C8orf34: variants seen among roughly 807,000 people sequenced by gnomAD.
The protein encoded by C8orf34 is uncharacterized protein C8orf34.
C8orf34 carries 65 observed loss-of-function variants against 68.3 expected under a neutral mutation model. The ratio of observed to expected loss-of-function variants is 0.95; its 90% confidence interval spans 0.78 to 1.17. The LOEUF is 1.17. C8orf34 is among the 50% of genes most tolerant of loss of function. C8orf34 has a pLI of 0.00. For synonymous variants in C8orf34, 244 were observed against 241.2 expected (o/e 1.01, Z -0.11); for missense variants, 664 against 655.4 (o/e 1.01, Z -0.14).
At chr8:68,535,358 T>C (rs761137634) in intron 7 of C8orf34, 3 of 983,972 alleles carry the variant, frequency 3.0e-6, no homozygotes, top group East Asian at 2.3e-4. Context: ...CTTGTCTTTG[T>C]TATCTATACC....
intron 3 of C8orf34, among the ~76,000 whole-genome samples, chr8:68,455,229 A>G (rs1158731806): frequency 6.6e-6 from 1 of 152,070 alleles, no homozygotes; most frequent in African/African-American, 2.4e-5. Flanking sequence ...GTTAAGTGGA[A>G]TGTTCTGTGT....
At chr8:68,655,990 G>A (rs975508724) in intron 8 of C8orf34, among the ~76,000 whole-genome samples, 1 of 151,994 alleles carries the variant, frequency 6.6e-6, no homozygotes, top group Admixed American at 6.6e-5. Context: ...TTGTTCTTTT[G>A]GACCTTAAAA....
intron 10 of C8orf34, among the ~76,000 whole-genome samples, chr8:68,733,011 C>G: frequency 6.6e-6 from 1 of 152,134 alleles, no homozygotes; most frequent in Non-Finnish European, 1.5e-5. Context: ...TTGCAGTGAG[C>G]TGAGATCACC....
At chr8:68,789,000 C>T (rs536327065) in intron 12 of C8orf34, among the ~76,000 whole-genome samples, 3 of 152,134 alleles carry the variant, frequency 2.0e-5, no homozygotes, top group Non-Finnish European at 4.4e-5. Flanking sequence ...CTGTGGGATA[C>T]AGAGAAAATA....
At chr8:68,801,664 A>T (rs1824330776) in intron 12 of C8orf34, among the ~76,000 whole-genome samples, 2 of 152,224 alleles carry the variant, frequency 1.3e-5, no homozygotes, top group Admixed American at 6.5e-5. Flanking sequence ...TAGTGTTGAT[A>T]GGATTAAGTC....
chr8:68,665,812 T>C (rs1288989826), intron 8 of C8orf34, among the ~76,000 whole-genome samples: 1 of 145,082 alleles, frequency 6.9e-6, no homozygotes, highest in African/African-American at 2.5e-5. Flanking sequence ...TTTCTCAAAG[T>C]ATCGTCACTT....
At chr8:68,423,141 T>G (rs1478441536) in intron 1 of C8orf34, among the ~76,000 whole-genome samples, 2 of 152,212 alleles carry the variant, frequency 1.3e-5, no homozygotes, top group African/African-American at 4.8e-5. Flanking sequence ...TTCTCACTAC[T>G]TATGCAAATT....
At chr8:68,749,006 G>A (rs1563646770) in intron 10 of C8orf34, among the ~76,000 whole-genome samples, 1 of 152,004 alleles carries the variant, frequency 6.6e-6, no homozygotes, top group Non-Finnish European at 1.5e-5. Flanking sequence ...AACAATGATA[G>A]ACTGGATTAA....
At chr8:68,438,996 G>A (rs1204016917) in intron 1 of C8orf34, 1 of 152,006 alleles carries the variant, frequency 6.6e-6, no homozygotes, top group African/African-American at 2.4e-5. Context: ...GACAGTTTTT[G>A]GTTTCTGTAA....
chr8:68,566,599 T>C (rs1350003323), intron 7 of C8orf34, among the ~76,000 whole-genome samples: 1 of 152,220 alleles, frequency 6.6e-6, no homozygotes, highest in African/African-American at 2.4e-5. Context: ...CTTTAGCTGC[T>C]TCCTCATAGA....
chr8:68,330,786 C>A (rs564652660), upstream of C8orf34: 9 of 441,462 alleles, frequency 2.0e-5, no homozygotes, highest in African/African-American at 6.4e-5. Context: ...CACAGTCGCG[C>A]GCGCACGGAC....
chr8:68,674,805 A>G (rs1252378293), intron 8 of C8orf34, among the ~76,000 whole-genome samples: 4 of 152,104 alleles, frequency 2.6e-5, no homozygotes, highest in Admixed American at 6.5e-5. Flanking sequence ...TAGAATCCCA[A>G]GTAGGTTTAA....
chr8:68,779,910 A>G (rs531154822), intron 11 of C8orf34, among the ~76,000 whole-genome samples: 16 of 152,314 alleles, frequency 1.1e-4, no homozygotes, highest in Middle Eastern at 3.4e-3. Flanking sequence ...ATGCTAAATC[A>G]TAATTTTTAA....
chr8:68,550,633 T>C (rs531664496), intron 7 of C8orf34, among the ~76,000 whole-genome samples: 1 of 151,998 alleles, frequency 6.6e-6, no homozygotes, highest in South Asian at 2.1e-4. Context: ...GAACTTCTTT[T>C]AACATTTGCT....
At position 68,331,027 on chromosome 8, in the gene C8orf34, C is replaced by A; in HGVS notation, c.15C>A (p.Leu5=). ...GAACGCGATGAATGAGTTCTCCCCT[C>A]GCCTCGGAGTTGTCTGAGTTGGCGG... MSSP[L]ASELSELAAL... The change falls in exon 1 of 14, where the codon CTC becomes CTA. Residue 5 remains leucine (L), a synonymous_variant. Transcript: ENST00000518698. 2 of 1,451,534 alleles carry A rather than the reference C, an allele frequency of 1.4e-6. No homozygotes were observed. The highest frequency in any genetic ancestry group is 2.9e-5 in the East Asian group (1 of 34,888). 89.9% of individuals were successfully genotyped at this position (1,451,534 alleles called of 1,614,324 possible). A position where few individuals can be genotyped will look rare whatever the true frequency, so the allele number is the denominator to read the frequency against.
intron 7 of C8orf34, among the ~76,000 whole-genome samples, chr8:68,631,341 A>G (rs577875069): frequency 6.6e-6 from 1 of 152,166 alleles, no homozygotes; most frequent in Non-Finnish European, 1.5e-5. Flanking sequence ...TCTGGGCTCA[A>G]GTGATCCTCC....
intron 7 of C8orf34, among the ~76,000 whole-genome samples, chr8:68,589,558 A>G (rs1194854746): frequency 6.8e-6 from 1 of 146,302 alleles, no homozygotes; most frequent in Non-Finnish European, 1.5e-5. Context: ...GAATGAAGGA[A>G]GGGAGAGAGA....
intron 1 of C8orf34, among the ~76,000 whole-genome samples, chr8:68,377,878 G>A (rs938665040): frequency 2.0e-4 from 30 of 152,122 alleles, no homozygotes; most frequent in Non-Finnish European, 4.4e-4. Context: ...CAAAGGATAA[G>A]CAGGCACCTT....
chr8:68,817,879 T>C (rs947963326), intron 13 of C8orf34, among the ~76,000 whole-genome samples: 3 of 152,044 alleles, frequency 2.0e-5, no homozygotes, highest in Non-Finnish European at 2.9e-5. Flanking sequence ...TATAAAACCA[T>C]CAGATCTTGT....
Sources: allele counts gnomAD v4.1 joint callset (sites outside exome capture counted in the v4.1 genomes callset), GRCh38; gene constraint gnomAD v4.1.1; transcripts MANE v1.5; gene names NCBI Gene and HGNC (gene_info 2026-07-23, HGNC 2026-07-21).